Variants in GRIK3 observed in about 807,000 individuals in gnomAD.
The protein encoded by GRIK3 is glutamate receptor ionotropic, kainate 3.
GRIK3 carries 29 observed loss-of-function variants against 102.5 expected under a neutral mutation model. That is an observed-to-expected ratio of 0.28 (90% CI 0.21 to 0.39). The LOEUF (loss-of-function observed/expected upper bound fraction) is 0.39. Among genes scored for constraint, GRIK3 ranks in the 10% least tolerant of loss-of-function variants. The probability of loss-of-function intolerance (pLI) is 1.00; values close to 1 mark genes in which losing one functional copy is unlikely to be tolerated. For synonymous variants in GRIK3, 511 were observed against 504.9 expected, an observed-to-expected ratio of 1.01 and a Z score of -0.16; for missense variants, 908 against 1,252.4, an observed-to-expected ratio of 0.73 and a Z score of 4.15.
At chr1:36,875,955 C>T (rs1197938071) in intron 3 of GRIK3, among the ~76,000 whole-genome samples, 2 of 152,178 alleles carry the variant, frequency 1.3e-5, no homozygotes, top group East Asian at 3.8e-4. Context: ...CAATCAGTGG[C>T]AATCCCATTC....
intron 1 of GRIK3, among the ~76,000 whole-genome samples, chr1:36,913,864 C>A (rs1641372417): frequency 6.6e-6 from 1 of 152,214 alleles, no homozygotes; most frequent in Non-Finnish European, 1.5e-5. Context: ...CCTGCAGGTT[C>A]TACCTTCCTC....
At chr1:36,924,666 T>A (rs988358408) in intron 1 of GRIK3, among the ~76,000 whole-genome samples, 2 of 152,100 alleles carry the variant, frequency 1.3e-5, no homozygotes, top group Admixed American at 1.3e-4. Flanking sequence ...ATTAGCTGTT[T>A]ACCCTGGGAA....
At chr1:36,834,862 G>T (rs535652499) in intron 10 of GRIK3, among the ~76,000 whole-genome samples, 219 of 152,308 alleles carry the variant, frequency 1.4e-3, no homozygotes, top group African/African-American at 5.1e-3. Flanking sequence ...CCCTGACCAG[G>T]TGGAGACTTC....
chr1:36,882,741 T>A (rs1246949189), intron 2 of GRIK3, among the ~76,000 whole-genome samples: 1 of 152,182 alleles, frequency 6.6e-6, no homozygotes, highest in East Asian at 1.9e-4. Flanking sequence ...CAGCTGGAGC[T>A]GCAGTAGCCA....
In GRIK3 at chr1:36,988,423, G is replaced by A. The variant is rs556015889; in HGVS notation, c.115+45571C>T. 3.0e-3 allele frequency among the ~76,000 whole-genome samples: 452 copies of A among 152,378 alleles called. 1 individual carries two copies. Among genetic ancestry groups the A allele is most frequent in the African/African-American group, 0.01 (424 of 41,590 alleles). On this transcript the variant is annotated intron_variant, in intron 1 of 15. Transcript: ENST00000373091. ...TGCCCTCCCATCTCTGGGGCAGCAGGAAGAAGCATCTGCAGGCGTTGGGAA... is the reference window on the plus strand; with the variant it reads ...TGCCCTCCCATCTCTGGGGCAGCAGAAAGAAGCATCTGCAGGCGTTGGGAA...
chr1:37,016,108 G>A (rs115817842), intron 1 of GRIK3, among the ~76,000 whole-genome samples: 1 of 152,184 alleles, frequency 6.6e-6, no homozygotes, highest in Admixed American at 6.5e-5. Context: ...ATGTGCCACT[G>A]TTCACTTTAA....
intron 13 of GRIK3, among the ~76,000 whole-genome samples, chr1:36,812,488 C>T (rs112023777): frequency 2.6e-5 from 4 of 152,288 alleles, no homozygotes; most frequent in African/African-American, 9.6e-5. Context: ...TACATTTTGC[C>T]TACATATTTT....
At chr1:37,002,267 AC>A (rs1318856900) in intron 1 of GRIK3, among the ~76,000 whole-genome samples, 1 of 152,250 alleles carries the variant, frequency 6.6e-6, no homozygotes, top group Non-Finnish European at 1.5e-5. Context: ...AAACCTTGTT[AC>A]TGGTTGGGCA....
chr1:36,817,636 T>C (rs1225453880), intron 12 of GRIK3, among the ~76,000 whole-genome samples: 1 of 152,218 alleles, frequency 6.6e-6, no homozygotes, highest in Non-Finnish European at 1.5e-5. Flanking sequence ...AAACCTCAGA[T>C]GCCTAACCAT....
chr1:36,978,827 C>T (rs1325642761), intron 1 of GRIK3, among the ~76,000 whole-genome samples: 2 of 152,216 alleles, frequency 1.3e-5, no homozygotes, highest in Non-Finnish European at 2.9e-5. Flanking sequence ...CGATGTCCCT[C>T]CTGTCACATT....
intron 10 of GRIK3, among the ~76,000 whole-genome samples, chr1:36,834,188 G>C (rs942637424): frequency 6.6e-6 from 1 of 152,172 alleles, no homozygotes; most frequent in Non-Finnish European, 1.5e-5. Flanking sequence ...CTGTGTCCAC[G>C]GCTGCTAGCA....
intron 1 of GRIK3, among the ~76,000 whole-genome samples, chr1:36,919,811 G>A (rs1641446852): frequency 6.6e-6 from 1 of 152,252 alleles, no homozygotes; most frequent in African/African-American, 2.4e-5. Flanking sequence ...GGAGAACTCA[G>A]TGCCCATGGC....
chr1:36,958,894 CTGTGCCTTGTGACT>C (rs1641961311), intron 1 of GRIK3, among the ~76,000 whole-genome samples: 1 of 122,484 alleles, frequency 8.2e-6, no homozygotes, highest in Non-Finnish European at 1.8e-5. Context: ...CCCTGTGAGT[CTGTGCCTTGTGACT>C]CTGTGCCCCA....
At chr1:36,928,877 C>T (rs139859228) in intron 1 of GRIK3, among the ~76,000 whole-genome samples, 66 of 152,300 alleles carry the variant, frequency 4.3e-4, no homozygotes, top group Non-Finnish European at 7.5e-4. Context: ...CTTAGTCAGC[C>T]TTGGGGTACA....
intron 15 of GRIK3, among the ~76,000 whole-genome samples, chr1:36,802,974 A>C (rs1225278345): frequency 6.6e-6 from 1 of 152,078 alleles, no homozygotes; most frequent in Non-Finnish European, 1.5e-5. Context: ...GCACTGTTCC[A>C]GGTGTTAGGC....
intron 1 of GRIK3, among the ~76,000 whole-genome samples, chr1:37,013,669 T>G (rs956635652): frequency 6.6e-6 from 1 of 152,172 alleles, no homozygotes; most frequent in Non-Finnish European, 1.5e-5. Flanking sequence ...ATCAAGCACA[T>G]GTTTGGACCA....
At chr1:36,939,092 A>C (rs1231071758) in intron 1 of GRIK3, among the ~76,000 whole-genome samples, 1 of 152,206 alleles carries the variant, frequency 6.6e-6, no homozygotes, top group Admixed American at 6.5e-5. Flanking sequence ...GAGTCAGTAA[A>C]TATCACTACT....
intron 10 of GRIK3, among the ~76,000 whole-genome samples, chr1:36,837,690 A>G (rs572707993): frequency 6.6e-6 from 1 of 151,970 alleles, no homozygotes; most frequent in Admixed American, 6.5e-5. Context: ...AGACTCTTCA[A>G]TGCCTACCTC....
chr1:37,004,582 C>G (rs757646586), intron 1 of GRIK3, among the ~76,000 whole-genome samples: 1 of 152,212 alleles, frequency 6.6e-6, no homozygotes, highest in Non-Finnish European at 1.5e-5. Context: ...TAAGTCTTCA[C>G]AGCAGGTCTT....
Sources: allele counts gnomAD v4.1 joint callset (sites outside exome capture counted in the v4.1 genomes callset), GRCh38; gene constraint gnomAD v4.1.1; transcripts MANE v1.5; gene names NCBI Gene and HGNC (gene_info 2026-07-23, HGNC 2026-07-21).